DPP10: variants seen among roughly 807,000 people sequenced by gnomAD.
DPP10 encodes the protein inactive dipeptidyl peptidase 10.
DPP10 carries 33 observed loss-of-function variants against 120.9 expected under a neutral mutation model. That is an observed-to-expected ratio of 0.27 (90% CI 0.21 to 0.37). The LOEUF (loss-of-function observed/expected upper bound fraction) is 0.37. DPP10 is among the 10% of genes least tolerant of loss of function. The pLI is 1.00. For missense variants in DPP10, 816 were observed against 942.8 expected (o/e 0.87, Z 1.76); for synonymous variants, 337 against 326.1 (o/e 1.03, Z -0.36).
At chr2:115,069,310 T>C (rs944085868) in intron 1 of DPP10, among the ~76,000 whole-genome samples, 1 of 152,256 alleles carries the variant, frequency 6.6e-6, no homozygotes, top group Admixed American at 6.5e-5. Flanking sequence ...TGAATGGGAT[T>C]GCTTCCCTAT....
intron 21 of DPP10, among the ~76,000 whole-genome samples, chr2:115,833,910 T>C (rs774825056): frequency 2.0e-5 from 3 of 152,188 alleles, no homozygotes; most frequent in Admixed American, 6.5e-5. Context: ...TTGCTTTGCA[T>C]AGCTTACCCC....
At chr2:114,659,206 A>C (rs1697203113) in intron 1 of DPP10, among the ~76,000 whole-genome samples, 1 of 152,198 alleles carries the variant, frequency 6.6e-6, no homozygotes, top group Non-Finnish European at 1.5e-5. Context: ...TTGCAGCATG[A>C]AAACGTACTA....
intron 5 of DPP10, among the ~76,000 whole-genome samples, chr2:115,564,604 A>T (rs986937809): frequency 1.3e-5 from 2 of 152,170 alleles, no homozygotes; most frequent in Non-Finnish European, 2.9e-5. Flanking sequence ...AAACTTTTTG[A>T]GATGATTCAA....
chr2:115,775,431 T>G (rs1681982762), intron 13 of DPP10, among the ~76,000 whole-genome samples: 1 of 151,934 alleles, frequency 6.6e-6, no homozygotes, highest in Non-Finnish European at 1.5e-5. Context: ...ATACTATGAA[T>G]AACTTTACAT....
At chr2:114,619,088 G>T (rs1016668593) in intron 1 of DPP10, among the ~76,000 whole-genome samples, 1 of 151,898 alleles carries the variant, frequency 6.6e-6, no homozygotes, top group Non-Finnish European at 1.5e-5. Flanking sequence ...TTTCTTGTCC[G>T]CAAAACTGGC....
chr2:114,673,975 T>C (rs542697027), intron 1 of DPP10, among the ~76,000 whole-genome samples: 2 of 152,262 alleles, frequency 1.3e-5, no homozygotes, highest in Non-Finnish European at 2.9e-5. Flanking sequence ...TCATGAATTA[T>C]TTATACTCTA....
chr2:114,477,831 G>GCACATA (rs1680577322), intron 1 of DPP10, among the ~76,000 whole-genome samples: 1 of 88,248 alleles, frequency 1.1e-5, no homozygotes, highest in East Asian at 4.3e-4. Context: ...ATATATGTAT[G>GCACATA]TACATAAATA....
intron 1 of DPP10, among the ~76,000 whole-genome samples, chr2:114,948,543 T>C (rs1403993466): frequency 6.6e-6 from 1 of 152,178 alleles, no homozygotes; most frequent in Non-Finnish European, 1.5e-5. Flanking sequence ...TTTTTTTCCC[T>C]TTTTATAATT....
chr2:114,679,843 C>T (rs1698908286), intron 1 of DPP10, among the ~76,000 whole-genome samples: 1 of 151,946 alleles, frequency 6.6e-6, no homozygotes, highest in African/African-American at 2.4e-5. Flanking sequence ...CAAACTTCTA[C>T]TACAGTACCC....
At chr2:115,296,181 A>AGGT (rs1231617639) in intron 1 of DPP10, among the ~76,000 whole-genome samples, 4 of 151,854 alleles carry the variant, frequency 2.6e-5, no homozygotes, top group Admixed American at 1.3e-4. Context: ...CTGGCTTGGG[A>AGGT]GGTGGTGGTG....
intron 1 of DPP10, among the ~76,000 whole-genome samples, chr2:114,705,334 T>C (rs889084756): frequency 2.0e-5 from 3 of 152,096 alleles, no homozygotes; most frequent in Non-Finnish European, 4.4e-5. Flanking sequence ...TTATCACTTT[T>C]GGGGGAGGAT....
chr2:115,759,718 A>AAT (rs1679870777), intron 11 of DPP10, among the ~76,000 whole-genome samples: 1 of 8,618 alleles, frequency 1.2e-4, no homozygotes, highest in African/African-American at 1.2e-4. Context: ...CATATATAAA[A>AAT]ACACATTATA....
intron 1 of DPP10, among the ~76,000 whole-genome samples, chr2:114,810,265 A>T (rs902299984): frequency 1.3e-5 from 2 of 152,298 alleles, no homozygotes; most frequent in East Asian, 3.9e-4. Context: ...TGACAGATAC[A>T]TTTATCACTG....
At chr2:115,302,399 TA>T (rs1336064648) in intron 1 of DPP10, among the ~76,000 whole-genome samples, 1 of 151,676 alleles carries the variant, frequency 6.6e-6, no homozygotes, top group Admixed American at 6.6e-5. Context: ...AAATTAATTG[TA>T]AAAAAACAAA....
At chr2:115,154,329 C>A (rs969852667) in intron 1 of DPP10, among the ~76,000 whole-genome samples, 1 of 152,142 alleles carries the variant, frequency 6.6e-6, no homozygotes, top group African/African-American at 2.4e-5. Flanking sequence ...CTTCATAACA[C>A]GTAGTACCTG....
intron 7 of DPP10, among the ~76,000 whole-genome samples, chr2:115,699,977 A>G (rs2091813521): frequency 6.6e-6 from 1 of 152,226 alleles, no homozygotes; most frequent in African/African-American, 2.4e-5. Flanking sequence ...ATTGGCTCAC[A>G]GTTCTGTAGG....
chr2:115,034,698 A>T (rs534817821), intron 1 of DPP10, among the ~76,000 whole-genome samples: 41 of 152,356 alleles, frequency 2.7e-4, no homozygotes, highest in African/African-American at 9.4e-4. Flanking sequence ...AATTGCCTTT[A>T]CTAGTTAACA....
At chr2:115,048,028 A>C (rs1366949806) in intron 1 of DPP10, among the ~76,000 whole-genome samples, 1 of 152,116 alleles carries the variant, frequency 6.6e-6, no homozygotes, top group East Asian at 1.9e-4. Flanking sequence ...TTTTATGATT[A>C]CTGTTACATT....
intron 1 of DPP10, among the ~76,000 whole-genome samples, chr2:115,243,305 G>A (rs2058374356): frequency 6.6e-6 from 1 of 152,038 alleles, no homozygotes; most frequent in African/African-American, 2.4e-5. Context: ...TAACCCTACT[G>A]ACTGAGCATC....
Sources: gnomAD v4.1 joint callset for allele counts (sites outside exome capture counted in the v4.1 genomes callset) on GRCh38, gnomAD v4.1.1 for gene constraint, MANE v1.5 for transcripts, NCBI Gene and HGNC (gene_info 2026-07-23, HGNC 2026-07-21) for gene names.